The following KIAA0825 variants were observed in gnomAD, a reference collection of about 807,000 sequenced individuals.
KIAA0825 encodes the protein uncharacterized protein KIAA0825.
KIAA0825 carries 119 observed loss-of-function variants against 147.6 expected under a neutral mutation model. That is an observed-to-expected ratio of 0.81 (90% confidence interval 0.69 to 0.94). KIAA0825 has a LOEUF of 0.94. Ranked by LOEUF, KIAA0825 falls within the 40% of genes least tolerant of loss-of-function variation. The probability of loss-of-function intolerance (pLI) is 0.00; values close to 1 mark genes in which losing one functional copy is unlikely to be tolerated. For missense variants in KIAA0825, 1,381 were observed against 1,472.7 expected, an observed-to-expected ratio of 0.94 and a Z score of 1.02; for synonymous variants, 470 against 518.1, an observed-to-expected ratio of 0.91 and a Z score of 1.26.
At chr5:94,367,142 G>A (rs544657874) in intron 20 of KIAA0825, among the ~76,000 whole-genome samples, 19 of 152,312 alleles carry the variant, frequency 1.2e-4, no homozygotes, top group Admixed American at 5.9e-4. Flanking sequence ...TTGCTTCTAA[G>A]ACAAGTTACT....
intron 3 of KIAA0825, among the ~76,000 whole-genome samples, chr5:94,534,070 T>C (rs962046964): frequency 1.3e-5 from 2 of 152,226 alleles, no homozygotes; most frequent in Non-Finnish European, 1.5e-5. Flanking sequence ...AAATATCATA[T>C]TTTAAAATGA....
intron 1 of KIAA0825, among the ~76,000 whole-genome samples, chr5:94,591,296 T>C (rs1024159428): frequency 1.3e-5 from 2 of 152,180 alleles, no homozygotes; most frequent in African/African-American, 4.8e-5. Context: ...AAAAACACAA[T>C]CAATTGAAGG....
chr5:94,521,635 T>C (rs1006355129), intron 4 of KIAA0825, among the ~76,000 whole-genome samples: 5 of 151,708 alleles, frequency 3.3e-5, no homozygotes, highest in African/African-American at 1.2e-4. Context: ...AAAGATGATA[T>C]GAAATTATTC....
At chr5:94,536,437 C>T (rs1262485180) in intron 3 of KIAA0825, among the ~76,000 whole-genome samples, 1 of 152,204 alleles carries the variant, frequency 6.6e-6, no homozygotes, top group African/African-American at 2.4e-5. Flanking sequence ...TCCACAACTA[C>T]ATATGAAAAC....
intron 20 of KIAA0825, among the ~76,000 whole-genome samples, chr5:94,231,846 T>A (rs1583925503): frequency 6.6e-6 from 1 of 152,154 alleles, no homozygotes; most frequent in East Asian, 1.9e-4. Context: ...TTTAACATGA[T>A]AATGTAGAAC....
intron 14 of KIAA0825, among the ~76,000 whole-genome samples, chr5:94,422,681 G>A (rs1250304258): frequency 6.6e-6 from 1 of 152,040 alleles, no homozygotes; most frequent in Non-Finnish European, 1.5e-5. Context: ...CCAGACATTT[G>A]TTTTGTTTTT....
At chr5:94,393,005 G>A (rs1273154996) in intron 17 of KIAA0825, among the ~76,000 whole-genome samples, 1 of 151,736 alleles carries the variant, frequency 6.6e-6, no homozygotes, top group Non-Finnish European at 1.5e-5. Context: ...AATTCTTGTC[G>A]GGTTTTGTAG....
At chr5:94,561,713 A>G (rs1777585769) in intron 2 of KIAA0825, among the ~76,000 whole-genome samples, 1 of 152,244 alleles carries the variant, frequency 6.6e-6, no homozygotes. Flanking sequence ...TTATATACAT[A>G]TAGTTCCTCA....
chr5:94,459,805 A>C (rs1216575053), intron 12 of KIAA0825, among the ~76,000 whole-genome samples: 1 of 152,172 alleles, frequency 6.6e-6, no homozygotes, highest in African/African-American at 2.4e-5. Context: ...AAAACATCAA[A>C]ACATTCGGGT....
At chr5:94,494,978 G>A (rs1764188596) in intron 5 of KIAA0825, among the ~76,000 whole-genome samples, 1 of 152,206 alleles carries the variant, frequency 6.6e-6, no homozygotes, top group Admixed American at 6.5e-5. Flanking sequence ...CATCTGCTGA[G>A]TGTGCTTCCT....
At chr5:94,456,797 T>A (rs1338940964) in intron 12 of KIAA0825, among the ~76,000 whole-genome samples, 2 of 152,304 alleles carry the variant, frequency 1.3e-5, no homozygotes. Flanking sequence ...CAGTTAGAAA[T>A]CGTCCTTAAA....
intron 2 of KIAA0825, among the ~76,000 whole-genome samples, chr5:94,550,396 C>G (rs892083754): frequency 2.0e-5 from 3 of 152,124 alleles, no homozygotes; most frequent in Non-Finnish European, 2.9e-5. Context: ...AGTCAAAGCA[C>G]CCCACCCAAC....
At chr5:94,452,285 G>C (rs181553325) in intron 13 of KIAA0825, among the ~76,000 whole-genome samples, 3 of 152,292 alleles carry the variant, frequency 2.0e-5, no homozygotes, top group Admixed American at 2.0e-4. Flanking sequence ...CCTCAAGAGA[G>C]AGATATAGTC....
At chr5:94,427,839 G>A (rs575225661) in intron 14 of KIAA0825, among the ~76,000 whole-genome samples, 24 of 152,234 alleles carry the variant, frequency 1.6e-4, no homozygotes, top group African/African-American at 4.1e-4. Flanking sequence ...CCTATAGCTT[G>A]TTTTAGAACC....
chr5:94,483,402 C>T (rs962778358), intron 6 of KIAA0825, among the ~76,000 whole-genome samples: 23 of 151,820 alleles, frequency 1.5e-4, no homozygotes, highest in South Asian at 2.1e-4. Context: ...TAGCCAGGCA[C>T]GGTGGATGAG....
intron 20 of KIAA0825, among the ~76,000 whole-genome samples, chr5:94,199,924 TG>T (rs761235350): frequency 1.6e-4 from 24 of 152,286 alleles, no homozygotes; most frequent in Admixed American, 5.9e-4. Context: ...TAAGTTGGTG[TG>T]GCCAGACAGG....
At chr5:94,347,247 T>C (rs2150351669) in intron 20 of KIAA0825, among the ~76,000 whole-genome samples, 1 of 152,242 alleles carries the variant, frequency 6.6e-6, no homozygotes, top group South Asian at 2.1e-4. Flanking sequence ...AAAGGGCATA[T>C]AATCGGGAGT....
chr5:94,246,397 G>C (rs1345055687), intron 20 of KIAA0825, among the ~76,000 whole-genome samples: 2 of 152,028 alleles, frequency 1.3e-5, no homozygotes, highest in African/African-American at 4.8e-5. Flanking sequence ...AGGGAACCAG[G>C]TCTCCTCCAC....
At chr5:94,541,103 T>C (rs1773210323) in intron 2 of KIAA0825, among the ~76,000 whole-genome samples, 1 of 152,190 alleles carries the variant, frequency 6.6e-6, no homozygotes, top group East Asian at 1.9e-4. Flanking sequence ...AATGTACAAT[T>C]TAAAGGTGAT....
Sources: allele counts gnomAD v4.1 joint callset (sites outside exome capture counted in the v4.1 genomes callset), GRCh38; gene constraint gnomAD v4.1.1; transcripts MANE v1.5; gene names NCBI Gene and HGNC (gene_info 2026-07-23, HGNC 2026-07-21).